The following TTC29 variants were observed in gnomAD, a reference collection of about 807,000 sequenced individuals.
TTC29 encodes tetratricopeptide repeat protein 29.
In TTC29, 49 loss-of-function variants were observed where a neutral mutation model predicts 58.1. The observed-to-expected ratio is 0.84, with a 90% CI of 0.67 to 1.07. The LOEUF (loss-of-function observed/expected upper bound fraction) is 1.07, where lower values mean the gene tolerates loss of function less well. Among genes scored for constraint, TTC29 ranks in the 50% least tolerant of loss-of-function variants. TTC29 has a pLI of 0.00. For missense variants in TTC29, 582 were observed against 555.6 expected, an observed-to-expected ratio of 1.05 and a Z score of -0.48; for synonymous variants, 209 against 196.8, an observed-to-expected ratio of 1.06 and a Z score of -0.52.
At chr4:146,749,541 T>C (rs1420885539) in intron 11 of TTC29, among the ~76,000 whole-genome samples, 1 of 152,020 alleles carries the variant, frequency 6.6e-6, no homozygotes, top group Non-Finnish European at 1.5e-5. Flanking sequence ...TAGTATTAAA[T>C]TTACTTATTT....
chr4:146,845,450 A>G (rs1729103130), intron 8 of TTC29, among the ~76,000 whole-genome samples: 1 of 152,182 alleles, frequency 6.6e-6, no homozygotes, highest in Non-Finnish European at 1.5e-5. Context: ...TTATATTTCT[A>G]TGAGGATTCA....
chr4:146,892,400 A>T (rs1284107632), intron 6 of TTC29, among the ~76,000 whole-genome samples: 1 of 152,216 alleles, frequency 6.6e-6, no homozygotes, highest in Admixed American at 6.5e-5. Flanking sequence ...AATAAATGTA[A>T]TCTAGCATAT....
chr4:146,871,304 C>T (rs1712362944), intron 7 of TTC29, among the ~76,000 whole-genome samples: 1 of 151,778 alleles, frequency 6.6e-6, no homozygotes, highest in African/African-American at 2.4e-5. Context: ...GTTAAAAACC[C>T]TCAACAAACT....
chr4:146,940,056 T>G (rs28540118), intron 2 of TTC29, among the ~76,000 whole-genome samples, 155 bp from the exon 3 acceptor site: 3,340 of 152,266 alleles, frequency 0.022, 107 homozygotes, highest in African/African-American at 0.076. Flanking sequence ...GCTCAGTGAG[T>G]GGATTCTGCA....
chr4:146,933,399 T>C (rs1290989919), intron 4 of TTC29, among the ~76,000 whole-genome samples: 2 of 152,242 alleles, frequency 1.3e-5, no homozygotes, highest in African/African-American at 4.8e-5. Flanking sequence ...TTTATTTGAA[T>C]CTATAAATGA....
At chr4:146,729,109 T>C (rs1447056849) in intron 11 of TTC29, among the ~76,000 whole-genome samples, 1 of 152,014 alleles carries the variant, frequency 6.6e-6, no homozygotes, top group Non-Finnish European at 1.5e-5. Context: ...TTGTTCATTC[T>C]ACATTTTGAT....
In TTC29 at chr4:146,939,890, G is replaced by A. The variant is rs758398260; in HGVS notation, c.6C>T (p.Thr2=). ...GTGTCATGGGCAGTGGGGGCAGGGT[G>A]GTCATTTCGGACTACAAAAAGAAAT... M[T]TLPPLPMTRP... Residue 2 remains threonine (T), a synonymous_variant, in exon 3 of 13, where the codon ACC becomes ACT. Coordinates refer to ENST00000325106, the MANE Select transcript of TTC29 (RefSeq NM_031956.4). The A allele has an allele frequency of 1.2e-6, 2 of 1,608,156 alleles. No homozygotes were observed. The highest frequency in any genetic ancestry group is 4.5e-5 in the East Asian group (2 of 44,732).
intron 11 of TTC29, among the ~76,000 whole-genome samples, chr4:146,776,987 C>T (rs1748149029): frequency 1.3e-5 from 2 of 151,676 alleles, no homozygotes; most frequent in Non-Finnish European, 2.9e-5. Context: ...TCAGTGCATG[C>T]GTTCACACTG....
chr4:146,917,243 T>C (rs1734282573), intron 4 of TTC29, among the ~76,000 whole-genome samples: 1 of 150,480 alleles, frequency 6.6e-6, no homozygotes, highest in Non-Finnish European at 1.5e-5. Flanking sequence ...AAAATGAACA[T>C]TGTTATTAAT....
chr4:146,843,355 GA>G (rs1728970663), intron 8 of TTC29, among the ~76,000 whole-genome samples: 2 of 152,130 alleles, frequency 1.3e-5, no homozygotes, highest in African/African-American at 4.8e-5. Flanking sequence ...GCATTCCGCT[GA>G]AACTACACTC....
chr4:146,736,551 C>T (rs772644875), intron 11 of TTC29, among the ~76,000 whole-genome samples: 3 of 152,132 alleles, frequency 2.0e-5, no homozygotes, highest in Non-Finnish European at 4.4e-5. Flanking sequence ...GAGTAGAAGC[C>T]AGAGTGCTGG....
intron 11 of TTC29, among the ~76,000 whole-genome samples, chr4:146,795,871 G>A (rs935589936): frequency 2.6e-5 from 4 of 152,154 alleles, no homozygotes; most frequent in South Asian, 2.1e-4. Context: ...TAGCTGAACT[G>A]GTATAATATT....
intron 8 of TTC29, among the ~76,000 whole-genome samples, chr4:146,851,826 T>C (rs1729534996): frequency 6.6e-6 from 1 of 152,146 alleles, no homozygotes; most frequent in African/African-American, 2.4e-5. Flanking sequence ...TTATCTATAA[T>C]AATGGAGGGG....
In TTC29 at chr4:146,874,873, C is replaced by T. The variant is rs548229730; in HGVS notation, c.642G>A (p.Gly214=). The change falls in exon 7 of 13, where the codon GGG becomes GGA. Residue 214 remains glycine (G), a synonymous_variant. Coordinates refer to ENST00000325106, the MANE Select transcript of TTC29 (RefSeq NM_031956.4). The part of the protein sequence containing the change: ...HYEAFHQLTQ[G]RIWKDETGRS... Reference sequence around the variant, plus strand: ...GGCCTGTCTCATCCTTCCATATCCGCCCCTGTGTCAATTGATGGAATGCTT... The same window carrying T: ...GGCCTGTCTCATCCTTCCATATCCGTCCCTGTGTCAATTGATGGAATGCTT... The T allele has an allele frequency of 6.2e-7, 1 of 1,613,512 alleles. No homozygotes were observed. Among genetic ancestry groups the T allele is most frequent in the South Asian group, 1.1e-5 (1 of 91,054 alleles).
intron 8 of TTC29, among the ~76,000 whole-genome samples, chr4:146,858,160 C>G (rs985355860): frequency 6.6e-6 from 1 of 152,126 alleles, no homozygotes; most frequent in African/African-American, 2.4e-5. Context: ...AAATTTTGGT[C>G]TTCACAAAGA....
chr4:146,768,744 G>A (rs1561106717), intron 11 of TTC29, among the ~76,000 whole-genome samples: 1 of 151,970 alleles, frequency 6.6e-6, no homozygotes, highest in Non-Finnish European at 1.5e-5. Flanking sequence ...AATTAATGCA[G>A]TAATTCTTTA....
chr4:146,943,837 T>A (rs1268927567), intron 2 of TTC29, among the ~76,000 whole-genome samples: 1 of 152,182 alleles, frequency 6.6e-6, no homozygotes, highest in East Asian at 1.9e-4. Flanking sequence ...AGTTGCATCA[T>A]TTTCCTGGTG....
At chr4:146,739,640 A>G (rs1308705493) in intron 11 of TTC29, among the ~76,000 whole-genome samples, 2 of 152,198 alleles carry the variant, frequency 1.3e-5, no homozygotes, top group East Asian at 3.8e-4. Context: ...TGCAGTTTGG[A>G]TATTCGGAGT....
intron 7 of TTC29, among the ~76,000 whole-genome samples, chr4:146,868,331 C>A (rs2150211001): frequency 6.6e-6 from 1 of 152,020 alleles, no homozygotes; most frequent in Admixed American, 6.6e-5. Context: ...ATGTAACTAA[C>A]CTGCACATTG....
Sources: gnomAD v4.1 joint callset for allele counts (sites outside exome capture counted in the v4.1 genomes callset) on GRCh38, gnomAD v4.1.1 for gene constraint, MANE v1.5 for transcripts, NCBI Gene and HGNC (gene_info 2026-07-23, HGNC 2026-07-21) for gene names.